Variants in NSMCE2 observed in about 807,000 individuals in gnomAD.
The protein encoded by NSMCE2 is NSE2 SUMO ligase component of SMC5/6 complex.
A neutral mutation model predicts 23.8 loss-of-function variants in NSMCE2; 24 were observed. The observed-to-expected ratio is 1.01, with a 90% CI of 0.73 to 1.42. The LOEUF is 1.42. Among genes scored for constraint, NSMCE2 ranks in the 40% most tolerant of loss-of-function variants. NSMCE2 has a pLI of 0.00. For missense variants in NSMCE2, 284 were observed against 296.5 expected (o/e 0.96, Z 0.31); for synonymous variants, 92 against 94.1 (o/e 0.98, Z 0.13).
At chr8:125,166,443 T>C (rs1821882222) in intron 4 of NSMCE2, among the ~76,000 whole-genome samples, 1 of 152,082 alleles carries the variant, frequency 6.6e-6, no homozygotes. Flanking sequence ...ATTTTTATAT[T>C]TTTAGTAGAG....
At chr8:125,153,594 A>G (rs1327133891) in intron 4 of NSMCE2, among the ~76,000 whole-genome samples, 3 of 152,202 alleles carry the variant, frequency 2.0e-5, no homozygotes, top group African/African-American at 4.8e-5. Context: ...TTGTTTAGAA[A>G]TAGCAATGGT....
intron 5 of NSMCE2, among the ~76,000 whole-genome samples, chr8:125,278,903 G>A (rs569823040): frequency 8.6e-5 from 13 of 151,856 alleles, no homozygotes; most frequent in African/African-American, 1.7e-4. Flanking sequence ...AACTCAAACC[G>A]AGAACCAGGA....
chr8:125,345,719 A>G (rs773776831), intron 5 of NSMCE2, among the ~76,000 whole-genome samples: 4 of 152,266 alleles, frequency 2.6e-5, no homozygotes, highest in South Asian at 2.1e-4. Flanking sequence ...AGATAGCAGC[A>G]GAAGCACAAA....
At chr8:125,179,670 G>T (rs1335840469) in intron 4 of NSMCE2, among the ~76,000 whole-genome samples, 2 of 152,148 alleles carry the variant, frequency 1.3e-5, no homozygotes, top group African/African-American at 2.4e-5. Context: ...TAAAAGTTCT[G>T]GTTATGGGGG....
intron 5 of NSMCE2, among the ~76,000 whole-genome samples, chr8:125,198,119 C>A (rs1252864522): frequency 1.3e-5 from 2 of 152,202 alleles, no homozygotes; most frequent in East Asian, 3.8e-4. Context: ...ACTATACAAT[C>A]ATGTAATCTG....
intron 5 of NSMCE2, among the ~76,000 whole-genome samples, chr8:125,236,177 A>G (rs1417643303): frequency 4.6e-5 from 7 of 152,258 alleles, no homozygotes; most frequent in Non-Finnish European, 1.0e-4. Context: ...CGTAGAATTC[A>G]GCACAATGAT....
chr8:125,105,084 A>G (rs1195127193), intron 3 of NSMCE2, among the ~76,000 whole-genome samples: 1 of 152,160 alleles, frequency 6.6e-6, no homozygotes, highest in Non-Finnish European at 1.5e-5. Context: ...GACTTTTCCC[A>G]GTTTTCCCTT....
intron 5 of NSMCE2, among the ~76,000 whole-genome samples, chr8:125,219,688 A>C (rs1197527262): frequency 6.6e-6 from 1 of 152,242 alleles, no homozygotes; most frequent in Non-Finnish European, 1.5e-5. Context: ...CTAGATTCTC[A>C]GAATTCTCCC....
chr8:125,194,474 A>G (rs141373061), intron 5 of NSMCE2, among the ~76,000 whole-genome samples: 50 of 152,282 alleles, frequency 3.3e-4, no homozygotes, highest in Admixed American at 3.3e-4. Flanking sequence ...TGGATATACC[A>G]TAGTTTGTTT....
intron 3 of NSMCE2, among the ~76,000 whole-genome samples, chr8:125,135,235 G>A (rs1820003165): frequency 1.3e-5 from 2 of 152,040 alleles, no homozygotes; most frequent in South Asian, 4.1e-4. Flanking sequence ...GATTTTTTGG[G>A]GGACAAGCTC....
At chr8:125,360,454 T>A (rs992687938) in intron 7 of NSMCE2, among the ~76,000 whole-genome samples, 1 of 152,216 alleles carries the variant, frequency 6.6e-6, no homozygotes, top group Non-Finnish European at 1.5e-5. Context: ...CCGACTTCGT[T>A]CTGCTCACTG....
intron 4 of NSMCE2, among the ~76,000 whole-genome samples, chr8:125,158,054 T>C (rs148940031): frequency 0.013 from 2,016 of 152,302 alleles, 10 homozygotes; most frequent in Middle Eastern, 0.02. Context: ...AGAACATCTC[T>C]CTGGAGGAGG....
At chr8:125,209,121 A>G (rs145603034) in intron 5 of NSMCE2, among the ~76,000 whole-genome samples, 48 of 152,298 alleles carry the variant, frequency 3.2e-4, no homozygotes, top group African/African-American at 9.4e-4. Flanking sequence ...TTGATTTTCT[A>G]TCGTCAGCTA....
intron 5 of NSMCE2, among the ~76,000 whole-genome samples, chr8:125,308,982 C>T (rs1192764352): frequency 4.6e-5 from 7 of 152,192 alleles, no homozygotes; most frequent in South Asian, 4.1e-4. Flanking sequence ...CGGTGGCTTA[C>T]GCCTGTAATC....
chr8:125,242,911 T>G (rs1159472725), intron 5 of NSMCE2, among the ~76,000 whole-genome samples: 1 of 152,206 alleles, frequency 6.6e-6, no homozygotes, highest in African/African-American at 2.4e-5. Flanking sequence ...GAGTCATCTT[T>G]AAGCTGCAGT....
At chr8:125,290,692 A>T (rs1415714949) in intron 5 of NSMCE2, among the ~76,000 whole-genome samples, 2 of 152,246 alleles carry the variant, frequency 1.3e-5, no homozygotes, top group Non-Finnish European at 1.5e-5. Context: ...GATCAAGGAG[A>T]CAGAGCCACA....
chr8:125,191,635 A>G (rs756246812), intron 5 of NSMCE2, among the ~76,000 whole-genome samples: 45 of 152,190 alleles, frequency 3.0e-4, no homozygotes, highest in Admixed American at 1.5e-3. Flanking sequence ...GGTTTTGGCA[A>G]TTCATTTAGA....
intron 1 of NSMCE2, among the ~76,000 whole-genome samples, chr8:125,100,655 A>G (rs1339328558): frequency 6.6e-6 from 1 of 152,044 alleles, no homozygotes; most frequent in African/African-American, 2.4e-5. Flanking sequence ...TCCGCCTCCC[A>G]GGTTCAAACA....
intron 5 of NSMCE2, among the ~76,000 whole-genome samples, chr8:125,355,699 C>CAAAAAA (rs140692089): frequency 6.4e-5 from 3 of 46,720 alleles, no homozygotes; most frequent in Non-Finnish European, 1.2e-4. Flanking sequence ...GACTCCATCT[C>CAAAAAA]AAAAAAAAAA....
Sources: gnomAD v4.1 joint callset for allele counts (sites outside exome capture counted in the v4.1 genomes callset) on GRCh38, gnomAD v4.1.1 for gene constraint, MANE v1.5 for transcripts, NCBI Gene and HGNC (gene_info 2026-07-23, HGNC 2026-07-21) for gene names.